SYNE2: variants seen among roughly 807,000 people sequenced by gnomAD.
SYNE2 encodes spectrin repeat containing nuclear envelope protein 2, also known as nesprin-2.
Under a neutral mutation model 856.3 loss-of-function variants are expected in SYNE2, and 431 were observed. The ratio of observed to expected loss-of-function variants is 0.50; its 90% CI spans 0.47 to 0.55. SYNE2 has a LOEUF of 0.55. Among genes scored for constraint, SYNE2 ranks in the 20% least tolerant of loss-of-function variants. The pLI is 0.00. For synonymous variants in SYNE2, 2,923 were observed against 2,872.3 expected, an observed-to-expected ratio of 1.02 and a Z score of -0.56; for missense variants, 8,129 against 8,023.2, an observed-to-expected ratio of 1.01 and a Z score of -0.50.
intron 32 of SYNE2, among the ~76,000 whole-genome samples, chr14:64,014,513 ACCT>A (rs1010747905): frequency 6.6e-6 from 1 of 151,698 alleles, no homozygotes; most frequent in Non-Finnish European, 1.5e-5. Context: ...TGCAGCCTCC[ACCT>A]CCTGGATTCA....
chr14:64,193,001 T>TA (rs1336927781), intron 99 of SYNE2, among the ~76,000 whole-genome samples: 9 of 152,234 alleles, frequency 5.9e-5, no homozygotes, highest in African/African-American at 2.2e-4. Flanking sequence ...GGACCTGTCA[T>TA]AATCAGCCTT....
chr14:64,164,045 G>A (rs926822399), intron 89 of SYNE2, among the ~76,000 whole-genome samples: 3 of 151,734 alleles, frequency 2.0e-5, no homozygotes, highest in East Asian at 1.9e-4. Flanking sequence ...TCAGCCTCCC[G>A]GATAGCTGGG....
chr14:63,870,875 T>C (rs1400041235), intron 1 of SYNE2, among the ~76,000 whole-genome samples: 4 of 152,216 alleles, frequency 2.6e-5, no homozygotes, highest in African/African-American at 4.8e-5. Context: ...TATCAGCACA[T>C]GGAGGTCCTT....
chr14:63,827,672 A>G (rs558354642), intron 1 of SYNE2, among the ~76,000 whole-genome samples: 1 of 150,872 alleles, frequency 6.6e-6, no homozygotes, highest in Admixed American at 6.6e-5. Context: ...AAAAAGAAAA[A>G]AAGAAAAGAA....
chr14:63,891,934 G>T (rs2140944417), intron 1 of SYNE2, among the ~76,000 whole-genome samples: 1 of 152,212 alleles, frequency 6.6e-6, no homozygotes. Context: ...ATTAATTTCT[G>T]CATGTGAAAG....
At position 63,888,844 on chromosome 14, in the gene SYNE2, A is replaced by G. The variant is rs563926075; in HGVS notation, c.-51-20254A>G. Among the ~76,000 whole-genome samples, 5 of 152,328 alleles carry G rather than the reference A, an allele frequency of 3.3e-5. No individual in the cohort carries two copies. In the South Asian group the frequency reaches 6.2e-4, roughly 19 times the overall value. ...GATTATTTCTGTAGAGATTAAGAAC[A>G]TGAAAATACTGATGCTTAATATTTA... On this transcript the variant is annotated intron_variant, in intron 1 of 115. Transcript: ENST00000555002.
At chr14:63,811,613 T>C (rs1415470539) in intron 1 of SYNE2, among the ~76,000 whole-genome samples, 1 of 152,178 alleles carries the variant, frequency 6.6e-6, no homozygotes, top group Non-Finnish European at 1.5e-5. Flanking sequence ...AGAACTAAAG[T>C]TGACTATCTG....
At chr14:63,768,994 G>A (rs1886792194) in intron 1 of SYNE2, among the ~76,000 whole-genome samples, 1 of 152,124 alleles carries the variant, frequency 6.6e-6, no homozygotes, top group African/African-American at 2.4e-5. Flanking sequence ...AAGAGGACAG[G>A]TTGAGCATGG....
chr14:64,162,485 G>A (rs545760652), intron 88 of SYNE2: 1 of 627,524 alleles, frequency 1.6e-6, no homozygotes, highest in African/African-American at 1.8e-5. Flanking sequence ...TGGATCAGGG[G>A]GACTCGATAT....
At chr14:63,940,261 G>T (rs528530791) in intron 2 of SYNE2, among the ~76,000 whole-genome samples, 37 of 152,018 alleles carry the variant, frequency 2.4e-4, no homozygotes, top group African/African-American at 8.7e-4. Flanking sequence ...TCTGTATGTT[G>T]TCCAGGCTGG....
chr14:63,847,233 C>T (rs986581941), intron 1 of SYNE2, among the ~76,000 whole-genome samples: 19 of 151,662 alleles, frequency 1.3e-4, no homozygotes. Context: ...TTGCTTGAGC[C>T]TAGCACTTCA....
intron 100 of SYNE2, 49 bp downstream of exon 100, chr14:64,203,012 T>C (rs534803453): frequency 2.5e-6 from 4 of 1,606,542 alleles, no homozygotes; most frequent in Non-Finnish European, 2.5e-6. Context: ...GTCCGCGATA[T>C]GCACTGACTG....
intron 96 of SYNE2, among the ~76,000 whole-genome samples, chr14:64,179,958 G>A (rs1262425517): frequency 6.6e-6 from 1 of 152,158 alleles, no homozygotes; most frequent in Non-Finnish European, 1.5e-5. Flanking sequence ...TCATACTAAA[G>A]TCATAAAATA....
chr14:64,129,769 GTC>G lies in SYNE2; in HGVS notation c.14020-8_14020-7del. On this transcript the variant is annotated splice_polypyrimidine_tract_variant and intron_variant, in intron 74 of 115. Transcript: ENST00000555002. ...CTGAAGGGTTTTCTTTTCTTGTATTGTCTCTCACTTAGAAAGCAGATGCATAT... is the reference window on the plus strand; with the variant it reads ...CTGAAGGGTTTTCTTTTCTTGTATTGTCTCACTTAGAAAGCAGATGCATAT... 1.2e-6 allele frequency: 2 copies of G among 1,613,846 alleles called. No homozygotes were observed. Among genetic ancestry groups the G allele is most frequent in the Non-Finnish European group, 1.7e-6 (2 of 1,179,952 alleles).
chr14:64,015,232 C>G (rs1049172486), intron 32 of SYNE2, among the ~76,000 whole-genome samples: 1 of 151,226 alleles, frequency 6.6e-6, no homozygotes, highest in Non-Finnish European at 1.5e-5. Flanking sequence ...GTGTTTCTTT[C>G]TCTTCAGTTT....
chr14:63,906,446 G>T (rs1555371317), intron 1 of SYNE2, among the ~76,000 whole-genome samples: 1 of 151,882 alleles, frequency 6.6e-6, no homozygotes, highest in African/African-American at 2.4e-5. Flanking sequence ...AGCTTTTTTT[G>T]GTTGGTAGGT....
intron 27 of SYNE2, among the ~76,000 whole-genome samples, chr14:63,999,962 T>G (rs536507239): frequency 6.6e-6 from 1 of 152,328 alleles, no homozygotes; most frequent in East Asian, 1.9e-4. Context: ...GTTTCTCCAG[T>G]GACCGAATAA....
At chr14:64,108,308 C>T (rs376331089) in intron 65 of SYNE2, among the ~76,000 whole-genome samples, 1 of 152,090 alleles carries the variant, frequency 6.6e-6, no homozygotes, top group Non-Finnish European at 1.5e-5. Flanking sequence ...GCCAAGATTG[C>T]GCCACTGCAC....
chr14:63,840,303 T>C (rs1890007922), intron 1 of SYNE2, among the ~76,000 whole-genome samples: 2 of 152,030 alleles, frequency 1.3e-5, no homozygotes, highest in Admixed American at 6.6e-5. Context: ...CTTTTTCAAG[T>C]AACTGCTCCA....
Sources: gnomAD v4.1 joint callset for allele counts (sites outside exome capture counted in the v4.1 genomes callset) on GRCh38, gnomAD v4.1.1 for gene constraint, MANE v1.5 for transcripts, NCBI Gene and HGNC (gene_info 2026-07-23, HGNC 2026-07-21) for gene names.